Variants in PSD3 observed in about 807,000 individuals in gnomAD.
The protein encoded by PSD3 is PH and SEC7 domain-containing protein 3.
In PSD3, 49 loss-of-function variants were observed where a neutral mutation model predicts 105.5. The observed-to-expected ratio is 0.46, with a 90% CI of 0.37 to 0.59. The LOEUF (loss-of-function observed/expected upper bound fraction) is 0.59, where lower values mean the gene tolerates loss of function less well. Among genes scored for constraint, PSD3 ranks in the 20% least tolerant of loss-of-function variants. The probability of loss-of-function intolerance (pLI) is 0.00; values close to 1 mark genes in which losing one functional copy is unlikely to be tolerated. For missense variants in PSD3, 1,561 were observed against 1,263.8 expected (o/e 1.24, Z -3.57); for synonymous variants, 557 against 457.8 (o/e 1.22, Z -2.77).
intron 1 of PSD3, among the ~76,000 whole-genome samples, chr8:19,046,556 C>T (rs1306229312): frequency 1.3e-5 from 2 of 152,318 alleles, no homozygotes; most frequent in South Asian, 4.1e-4. Context: ...AGGGCCATGC[C>T]TATTCTTACT....
chr8:18,554,734 A>C (rs1800966550), intron 15 of PSD3, among the ~76,000 whole-genome samples: 1 of 152,188 alleles, frequency 6.6e-6, no homozygotes, highest in Non-Finnish European at 1.5e-5. Flanking sequence ...ACAGGTAACA[A>C]AGACAGATGA....
intron 4 of PSD3, among the ~76,000 whole-genome samples, chr8:18,840,589 G>C (rs1161525138): frequency 6.6e-6 from 1 of 152,214 alleles, no homozygotes; most frequent in African/African-American, 2.4e-5. Flanking sequence ...CTGCGAAGTA[G>C]GTATTATTAG....
chr8:18,618,654 G>C (rs1805879440), intron 11 of PSD3, among the ~76,000 whole-genome samples: 1 of 151,940 alleles, frequency 6.6e-6, no homozygotes, highest in Non-Finnish European at 1.5e-5. Flanking sequence ...AGCCGTATTT[G>C]ATTGCTCTCA....
chr8:18,943,871 T>C (rs147323741), intron 1 of PSD3, among the ~76,000 whole-genome samples: 131 of 152,004 alleles, frequency 8.6e-4, no homozygotes, highest in African/African-American at 2.9e-3. Flanking sequence ...AATGAAATTA[T>C]GGCACCCTAT....
chr8:18,609,784 G>A (rs960036123), intron 11 of PSD3, among the ~76,000 whole-genome samples: 8 of 152,160 alleles, frequency 5.3e-5, no homozygotes, highest in African/African-American at 1.9e-4. Context: ...GGGTAATCCT[G>A]TATATTAACC....
At position 18,934,994 on chromosome 8, in the gene PSD3, T is replaced by G. The variant is rs139518002; in HGVS notation, c.130+1040A>C. ...GATGAGCTCTGCGGTCAGGCAAACTTGCCTTATACTCCTGGCTCTGCTGTG... is the reference window on the plus strand; with the variant it reads ...GATGAGCTCTGCGGTCAGGCAAACTGGCCTTATACTCCTGGCTCTGCTGTG... On this transcript the variant is annotated intron_variant, in intron 2 of 15. Coordinates refer to ENST00000327040, the MANE Select transcript of PSD3 (RefSeq NM_015310.4). Among the ~76,000 whole-genome samples, 708 of 152,318 alleles carry G rather than the reference T, an allele frequency of 4.6e-3. 3 individuals are homozygous for G. The highest frequency in any genetic ancestry group is 7.3e-3 in the Non-Finnish European group (498 of 68,024).
chr8:18,792,172 C>A (rs1226432464), intron 8 of PSD3, among the ~76,000 whole-genome samples: 1 of 152,116 alleles, frequency 6.6e-6, no homozygotes, highest in South Asian at 2.1e-4. Context: ...CCTCAAAGAC[C>A]TAGAACCAGA....
intron 1 of PSD3, among the ~76,000 whole-genome samples, chr8:19,075,168 G>C (rs1829425247): frequency 6.7e-6 from 1 of 149,632 alleles, no homozygotes; most frequent in Non-Finnish European, 1.5e-5. Flanking sequence ...GGCTGGCCTC[G>C]AACTCCGGAC....
intron 1 of PSD3, among the ~76,000 whole-genome samples, chr8:18,975,121 AG>A (rs1824858728): frequency 6.6e-6 from 1 of 152,140 alleles, no homozygotes; most frequent in Admixed American, 6.5e-5. Context: ...AGCTTTCAAA[AG>A]GGACAAGGGT....
rs551243821 is a variant in PSD3 at position 19,081,121 on chromosome 8, G to A, written c.324+3085C>T. Among the ~76,000 whole-genome samples, 8 of 152,192 alleles carry A rather than the reference G, an allele frequency of 5.3e-5. No individual in the cohort carries two copies. The South Asian group carries it at 1.0e-3, about 20-fold the overall frequency. On this transcript the variant is annotated intron_variant, in intron 1 of 1. Coordinates refer to the PSD3 transcript ENST00000521475. ...GATGGTTAGGGCAGGCTCTGGTCCC[G>A]GCCCATAGAATATTCTCTGATTCAC...
At chr8:18,610,192 G>C (rs1180320980) in intron 11 of PSD3, among the ~76,000 whole-genome samples, 1 of 152,180 alleles carries the variant, frequency 6.6e-6, no homozygotes, top group Non-Finnish European at 1.5e-5. Context: ...AACTGTTAAA[G>C]CAAACTAAAT....
chr8:18,763,135 A>G (rs915536270), intron 9 of PSD3: 8 of 440,048 alleles, frequency 1.8e-5, no homozygotes, highest in Non-Finnish European at 3.2e-5. Flanking sequence ...ATCTGAACAG[A>G]CATAAATCCA....
At chr8:18,913,602 A>G (rs1403054456) in intron 2 of PSD3, among the ~76,000 whole-genome samples, 1 of 151,824 alleles carries the variant, frequency 6.6e-6, no homozygotes, top group African/African-American at 2.4e-5. Flanking sequence ...GGGCCACACA[A>G]GCTGCCACGA....
chr8:18,820,815 G>T (rs903606873), intron 4 of PSD3, among the ~76,000 whole-genome samples: 3 of 152,116 alleles, frequency 2.0e-5, no homozygotes, highest in African/African-American at 7.2e-5. Context: ...CCAGGCTGGA[G>T]TGCAGTGGCG....
intron 1 of PSD3, among the ~76,000 whole-genome samples, chr8:18,986,799 A>C (rs1489701833): frequency 6.6e-6 from 1 of 152,180 alleles, no homozygotes; most frequent in Non-Finnish European, 1.5e-5. Flanking sequence ...GATGAGGCAG[A>C]ACAAAGAGCC....
chr8:18,736,100 C>G (rs1585776471), intron 9 of PSD3, among the ~76,000 whole-genome samples: 1 of 152,132 alleles, frequency 6.6e-6, no homozygotes, highest in East Asian at 1.9e-4. Context: ...AGCACATCTC[C>G]TATGCTACAG....
At chr8:18,854,807 T>C (rs551873942) in intron 4 of PSD3, among the ~76,000 whole-genome samples, 21 of 152,370 alleles carry the variant, frequency 1.4e-4, no homozygotes, top group African/African-American at 5.0e-4. Context: ...AATTCACACT[T>C]AATCTCATGT....
chr8:18,825,714 C>A (rs1232398941), intron 4 of PSD3, among the ~76,000 whole-genome samples: 1 of 152,162 alleles, frequency 6.6e-6, no homozygotes, highest in Non-Finnish European at 1.5e-5. Flanking sequence ...CTGAGAACAA[C>A]CTGTGAAAAT....
At chr8:18,644,720 G>C (rs1807902931) in intron 10 of PSD3, among the ~76,000 whole-genome samples, 1 of 152,014 alleles carries the variant, frequency 6.6e-6, no homozygotes, top group Admixed American at 6.5e-5. Context: ...AGCTTCTGTG[G>C]ATTACCCAAT....
Sources: allele counts gnomAD v4.1 joint callset (sites outside exome capture counted in the v4.1 genomes callset), GRCh38; gene constraint gnomAD v4.1.1; transcripts MANE v1.5; gene names NCBI Gene and HGNC (gene_info 2026-07-23, HGNC 2026-07-21).